The following NKAIN2 variants were observed in gnomAD, a reference collection of about 807,000 sequenced individuals.
NKAIN2 encodes the protein sodium/potassium transporting ATPase interacting 2.
In NKAIN2, 14 loss-of-function variants were observed where a neutral mutation model predicts 32.6. The ratio of observed to expected loss-of-function variants is 0.43; its 90% CI spans 0.28 to 0.67. The LOEUF (loss-of-function observed/expected upper bound fraction) is 0.67, where lower values mean the gene tolerates loss of function less well. Among genes scored for constraint, NKAIN2 ranks in the 30% least tolerant of loss-of-function variants. The probability of loss-of-function intolerance (pLI) is 0.17; values close to 1 mark genes in which losing one functional copy is unlikely to be tolerated. For missense variants in NKAIN2, 198 were observed against 258.3 expected (o/e 0.77, Z 1.60); for synonymous variants, 80 against 87.2 (o/e 0.92, Z 0.46).
chr6:124,638,887 C>CCAAA (rs1213579022), intron 3 of NKAIN2, among the ~76,000 whole-genome samples: 1 of 82,632 alleles, frequency 1.2e-5, no homozygotes, highest in Non-Finnish European at 2.2e-5. Flanking sequence ...GAGACTCTGT[C>CCAAA]AAAAAAAAAA....
chr6:124,568,516 G>A (rs970717129), intron 3 of NKAIN2, among the ~76,000 whole-genome samples: 12 of 152,116 alleles, frequency 7.9e-5, no homozygotes, highest in African/African-American at 2.2e-4. Flanking sequence ...TATAAGGTAA[G>A]TAACTTCCCT....
chr6:124,590,800 C>T (rs1402961581), intron 3 of NKAIN2, among the ~76,000 whole-genome samples: 1 of 146,556 alleles, frequency 6.8e-6, no homozygotes, highest in Non-Finnish European at 1.5e-5. Context: ...TATATGGCAA[C>T]TGGCCCATGT....
chr6:124,217,972 C>T (rs985178952), intron 1 of NKAIN2, among the ~76,000 whole-genome samples: 2 of 151,656 alleles, frequency 1.3e-5, no homozygotes, highest in East Asian at 1.9e-4. Flanking sequence ...TGTATGCGGT[C>T]GTTTGCAGTA....
intron 1 of NKAIN2, among the ~76,000 whole-genome samples, chr6:123,816,553 T>A (rs964449122): frequency 6.6e-6 from 1 of 152,074 alleles, no homozygotes; most frequent in African/African-American, 2.4e-5. Context: ...TTCTAAGAAT[T>A]GGAATGAAAA....
intron 3 of NKAIN2, among the ~76,000 whole-genome samples, chr6:124,496,964 G>A (rs755627246): frequency 6.6e-6 from 1 of 151,922 alleles, no homozygotes; most frequent in Non-Finnish European, 1.5e-5. Context: ...CTGGACCTGC[G>A]GTTCTACTCT....
At chr6:124,084,071 G>T (rs1784089821) in intron 1 of NKAIN2, among the ~76,000 whole-genome samples, 1 of 151,954 alleles carries the variant, frequency 6.6e-6, no homozygotes, top group African/African-American at 2.4e-5. Context: ...GGGAGGTAGT[G>T]ATTTTAGATT....
chr6:124,512,936 A>T (rs896684913), intron 3 of NKAIN2, among the ~76,000 whole-genome samples: 2 of 152,184 alleles, frequency 1.3e-5, no homozygotes, highest in Non-Finnish European at 2.9e-5. Flanking sequence ...ATTATATAAA[A>T]TCCAAAATAG....
chr6:124,448,662 T>C (rs907595564), intron 3 of NKAIN2, among the ~76,000 whole-genome samples: 2 of 152,134 alleles, frequency 1.3e-5, no homozygotes, highest in African/African-American at 2.4e-5. Context: ...ATTTCCTGTA[T>C]TGGGATTTTT....
intron 3 of NKAIN2, among the ~76,000 whole-genome samples, chr6:124,424,665 T>C (rs1774904899): frequency 6.6e-6 from 1 of 152,176 alleles, no homozygotes; most frequent in South Asian, 2.1e-4. Flanking sequence ...AGTGAGATCA[T>C]GCAATGTTTT....
At chr6:124,207,291 CA>C (rs1488378649) in intron 1 of NKAIN2, among the ~76,000 whole-genome samples, 1 of 150,710 alleles carries the variant, frequency 6.6e-6, no homozygotes, top group Non-Finnish European at 1.5e-5. Flanking sequence ...GATCCTGAGT[CA>C]AAAAAGAAAT....
Position 124,478,328 on chromosome 6 carries a change from A to G in NKAIN2, c.273+122981A>G, listed in dbSNP as rs145622899. 1.0e-3 allele frequency among the ~76,000 whole-genome samples: 156 copies of G among 152,352 alleles called. 4 individuals carry two copies. In the East Asian group the frequency reaches 0.028, roughly 27 times the overall value. On this transcript the variant is annotated intron_variant, in intron 3 of 6. Coordinates refer to ENST00000368417, the MANE Select transcript of NKAIN2 (RefSeq NM_001040214.3). ...ATTTATCAAGCCAAAATTAAATGGT[A>G]TACCCAGTATGCAGACCTTTCTCTC... is the stretch of plus-strand genomic sequence containing the variant.
At chr6:124,141,166 C>T (rs1050846492) in intron 1 of NKAIN2, among the ~76,000 whole-genome samples, 6 of 151,980 alleles carry the variant, frequency 3.9e-5, no homozygotes, top group Admixed American at 2.0e-4. Context: ...AGCAATTGTG[C>T]GTATTGAGTC....
chr6:124,726,648 G>C (rs891555566), intron 4 of NKAIN2, among the ~76,000 whole-genome samples: 3 of 147,404 alleles, frequency 2.0e-5, no homozygotes, highest in African/African-American at 7.6e-5. Context: ...AAACCAGAGC[G>C]CCTCTCCTCC....
intron 1 of NKAIN2, among the ~76,000 whole-genome samples, chr6:124,050,665 C>T (rs1216425960): frequency 6.6e-6 from 1 of 151,932 alleles, no homozygotes; most frequent in Non-Finnish European, 1.5e-5. Flanking sequence ...TTGCCCGCAG[C>T]ACAAAAAAGA....
chr6:124,755,137 C>T (rs533183767), intron 4 of NKAIN2, among the ~76,000 whole-genome samples: 1 of 152,210 alleles, frequency 6.6e-6, no homozygotes, highest in South Asian at 2.1e-4. Context: ...GTGCGGCCTT[C>T]GGACTGTAGC....
intron 3 of NKAIN2, among the ~76,000 whole-genome samples, chr6:124,627,752 T>C (rs1783409708): frequency 6.6e-6 from 1 of 152,148 alleles, no homozygotes; most frequent in Admixed American, 6.5e-5. Context: ...GTCTTAGTTA[T>C]TTCAGCTTTA....
chr6:124,672,586 G>T (rs997662668), intron 4 of NKAIN2, among the ~76,000 whole-genome samples: 19 of 152,046 alleles, frequency 1.2e-4, no homozygotes, highest in African/African-American at 4.6e-4. Context: ...AAAAAGAAAA[G>T]TCAGTTAGAT....
chr6:124,805,328 G>T (rs1339818692), intron 5 of NKAIN2, among the ~76,000 whole-genome samples: 1 of 152,158 alleles, frequency 6.6e-6, no homozygotes, highest in Non-Finnish European at 1.5e-5. Context: ...GGCATTCGCG[G>T]TTCACAAAAA....
chr6:124,268,683 CATAT>C (rs1794613341), intron 1 of NKAIN2, among the ~76,000 whole-genome samples: 1 of 151,288 alleles, frequency 6.6e-6, no homozygotes, highest in Non-Finnish European at 1.5e-5. Context: ...GAAATATAAA[CATAT>C]ATACACATTT....
Sources: allele counts gnomAD v4.1 joint callset (sites outside exome capture counted in the v4.1 genomes callset), GRCh38; gene constraint gnomAD v4.1.1; transcripts MANE v1.5; gene names NCBI Gene and HGNC (gene_info 2026-07-23, HGNC 2026-07-21).